The following LEPROTL1 variants were observed in gnomAD, a reference collection of about 807,000 sequenced individuals.
LEPROTL1 encodes leptin receptor overlapping transcript-like 1.
LEPROTL1 carries 6 observed loss-of-function variants against 15.4 expected under a neutral mutation model. The observed-to-expected ratio is 0.39, with a 90% CI of 0.21 to 0.77. The LOEUF (loss-of-function observed/expected upper bound fraction) is 0.77, where lower values mean the gene tolerates loss of function less well. Ranked by LOEUF, LEPROTL1 falls within the 30% of genes least tolerant of loss-of-function variation. The pLI is 0.41. For missense variants in LEPROTL1, 128 were observed against 158.1 expected (o/e 0.81, Z 1.02); for synonymous variants, 56 against 52.6 (o/e 1.06, Z -0.28).
rs1802572561 is a variant in LEPROTL1 at position 30,106,584 on chromosome 8, A to G, written c.*722A>G. The G allele has an allele frequency of 2.0e-6, 2 of 984,292 alleles. No homozygotes were observed. Among genetic ancestry groups the G allele is most frequent in the Non-Finnish European group, 2.4e-6 (2 of 828,522 alleles). The allele number at this position is 984,292 out of a possible 1,614,324, so 61.0% of individuals were successfully genotyped here. A position where few individuals can be genotyped will look rare whatever the true frequency, so the allele number is the denominator to read the frequency against. On this transcript the variant is annotated 3_prime_UTR_variant, in exon 4 of 4. Coordinates refer to ENST00000321250, the MANE Select transcript of LEPROTL1 (RefSeq NM_015344.3). The stretch of plus-strand genomic sequence containing the variant: ...ATGTTAAACTTTAAGGTAAGGGTGT[A>G]AAAACATTTTTGAGATAAGGTTTTT...
intron 1 of LEPROTL1, among the ~76,000 whole-genome samples, chr8:30,101,321 A>G (rs1018018144): frequency 1.1e-4 from 17 of 152,148 alleles, no homozygotes; most frequent in Non-Finnish European, 7.4e-5. Flanking sequence ...TAGAAAGGGA[A>G]CCAGCGTCTG....
downstream of LEPROTL1, among the ~76,000 whole-genome samples, chr8:30,111,650 A>G (rs1047342809): frequency 1.3e-5 from 2 of 152,208 alleles, no homozygotes; most frequent in Non-Finnish European, 2.9e-5. Context: ...GTGGTAATCT[A>G]ATGAGATAAG....
At chr8:30,095,844 TGGAC>T in intron 1 of LEPROTL1, 1 of 701,562 alleles carries the variant, frequency 1.4e-6, no homozygotes, top group Non-Finnish European at 2.6e-6. Flanking sequence ...CGTCGCGACT[TGGAC>T]GGCCACACAC....
chr8:30,133,206 C>T (rs554066461), intron 4 of LEPROTL1, among the ~76,000 whole-genome samples: 16 of 152,172 alleles, frequency 1.1e-4, no homozygotes, highest in Admixed American at 9.8e-4. Context: ...CATGAGCCAC[C>T]GCCCCTGGCA....
chr8:30,104,211 A>T (rs982377569), intron 2 of LEPROTL1, 89 bp from the exon 3 acceptor site: 2 of 751,644 alleles, frequency 2.7e-6, no homozygotes, highest in Admixed American at 3.6e-5. Context: ...AAGTCAAGCG[A>T]TTGAATCTTG....
intron 3 of LEPROTL1, among the ~76,000 whole-genome samples, chr8:30,127,535 G>A (rs1232124071): frequency 6.6e-6 from 1 of 152,038 alleles, no homozygotes; most frequent in Non-Finnish European, 1.5e-5. Context: ...GGATAGGCAC[G>A]ATTCATCAAA....
intron 3 of LEPROTL1, among the ~76,000 whole-genome samples, chr8:30,122,697 C>T (rs748702608): frequency 2.0e-5 from 3 of 151,832 alleles, no homozygotes; most frequent in Non-Finnish European, 2.9e-5. Context: ...CGGGAGACTG[C>T]GGCAGGAGAA....
At chr8:30,128,299 G>A (rs1313409478) in intron 3 of LEPROTL1, among the ~76,000 whole-genome samples, 2 of 152,194 alleles carry the variant, frequency 1.3e-5, no homozygotes, top group African/African-American at 4.8e-5. Context: ...AGACGTCCTG[G>A]TTTAACCAAT....
At chr8:30,110,256 G>A (rs1802634141), downstream of LEPROTL1, among the ~76,000 whole-genome samples, 1 of 152,192 alleles carries the variant, frequency 6.6e-6, no homozygotes, top group Admixed American at 6.5e-5. Context: ...GCAGAGGGTG[G>A]TGGGAACAGA....
chr8:30,118,339 A>G (rs7818314), intron 3 of LEPROTL1, among the ~76,000 whole-genome samples: 131,635 of 152,190 alleles, frequency 0.86, 57,961 homozygotes, highest in South Asian at 0.98. Context: ...ATATTAATAT[A>G]TGTACATACA....
intron 3 of LEPROTL1, 86 bp downstream of exon 3, chr8:30,104,572 A>C: frequency 1.3e-6 from 1 of 775,010 alleles, no homozygotes; most frequent in South Asian, 2.7e-5. Flanking sequence ...AATGACATGA[A>C]AAGAGGTGAA....
chr8:30,132,970 G>T (rs182204319), intron 4 of LEPROTL1: 667 of 1,442,846 alleles, frequency 4.6e-4, no homozygotes, highest in Non-Finnish European at 5.3e-4. Context: ...TCTTATTCCA[G>T]TCTGTCATAC....
intron 3 of LEPROTL1, among the ~76,000 whole-genome samples, chr8:30,131,642 C>G (rs1254277501): frequency 6.6e-6 from 1 of 152,056 alleles, no homozygotes; most frequent in Non-Finnish European, 1.5e-5. Context: ...GAGCGTTTGC[C>G]ATCTGGTTCA....
chr8:30,115,924 C>G (rs1377217820), intron 3 of LEPROTL1, among the ~76,000 whole-genome samples: 1 of 152,056 alleles, frequency 6.6e-6, no homozygotes, highest in Non-Finnish European at 1.5e-5. Context: ...TAGTTGGTCT[C>G]AACCTTCTAA....
intron 3 of LEPROTL1, among the ~76,000 whole-genome samples, chr8:30,129,383 G>T (rs1403828563): frequency 6.6e-6 from 1 of 152,124 alleles, no homozygotes; most frequent in Non-Finnish European, 1.5e-5. Flanking sequence ...GATTAAAAGT[G>T]TATTAGTCTG....
intron 4 of LEPROTL1, among the ~76,000 whole-genome samples, chr8:30,133,548 G>A (rs1290470148): frequency 6.6e-6 from 1 of 152,022 alleles, no homozygotes; most frequent in Non-Finnish European, 1.5e-5. Context: ...TCCTGAATAG[G>A]AGAATTTGCC....
chr8:30,099,586 G>A (rs983043739), intron 1 of LEPROTL1, among the ~76,000 whole-genome samples: 11 of 117,572 alleles, frequency 9.4e-5, no homozygotes, highest in African/African-American at 3.0e-4. Flanking sequence ...TGGCGACAGC[G>A]CAAGACTCCA....
intron 3 of LEPROTL1, among the ~76,000 whole-genome samples, chr8:30,129,263 T>TGCTAA (rs1383288898): frequency 6.6e-6 from 1 of 152,336 alleles, no homozygotes; most frequent in African/African-American, 2.4e-5. Context: ...ATGTTCTGAG[T>TGCTAA]GCTAAGATTG....
chr8:30,132,207 G>T (rs1223383899), intron 3 of LEPROTL1: 25 of 1,551,730 alleles, frequency 1.6e-5, no homozygotes, highest in Non-Finnish European at 1.9e-5. Context: ...CCCAGCAAAC[G>T]AAACCAAACA....
Sources: allele counts gnomAD v4.1 joint callset (sites outside exome capture counted in the v4.1 genomes callset), GRCh38; gene constraint gnomAD v4.1.1; transcripts MANE v1.5; gene names NCBI Gene and HGNC (gene_info 2026-07-23, HGNC 2026-07-21).